PPP2R2C: variants seen among roughly 807,000 people sequenced by gnomAD.
The protein encoded by PPP2R2C is protein phosphatase 2, regulatory subunit B, gamma.
PPP2R2C carries 10 observed loss-of-function variants against 45.3 expected under a neutral mutation model. The ratio of observed to expected loss-of-function variants is 0.22; its 90% CI spans 0.14 to 0.37. PPP2R2C has a LOEUF of 0.37. Ranked by LOEUF, PPP2R2C falls within the 10% of genes least tolerant of loss-of-function variation. PPP2R2C has a pLI of 1.00. For synonymous variants in PPP2R2C, 257 were observed against 245.4 expected, an observed-to-expected ratio of 1.05 and a Z score of -0.44; for missense variants, 308 against 619.7, an observed-to-expected ratio of 0.50 and a Z score of 5.34.
intron 1 of PPP2R2C, among the ~76,000 whole-genome samples, chr4:6,436,804 C>T (rs921859043): frequency 1.3e-5 from 2 of 152,206 alleles, no homozygotes; most frequent in Admixed American, 6.5e-5. Context: ...ACTGCATCTT[C>T]ATTTAAACTT....
chr4:6,517,817 C>A (rs539700674), intron 2 of PPP2R2C, among the ~76,000 whole-genome samples: 178 of 152,254 alleles, frequency 1.2e-3, no homozygotes, highest in African/African-American at 4.1e-3. Flanking sequence ...GTTCCAATAC[C>A]AGTTCCCCTA....
intron 5 of PPP2R2C, among the ~76,000 whole-genome samples, chr4:6,359,058 C>A (rs189046630): frequency 6.6e-6 from 1 of 152,176 alleles, no homozygotes; most frequent in African/African-American, 2.4e-5. Flanking sequence ...ATGTTTATTG[C>A]GGCGCTATTC....
intron 2 of PPP2R2C, among the ~76,000 whole-genome samples, chr4:6,490,136 GA>G (rs1350543730): frequency 2.0e-5 from 3 of 152,188 alleles, no homozygotes; most frequent in African/African-American, 7.2e-5. Context: ...GCCCTTTCAA[GA>G]GGTGCCCAAA....
At chr4:6,459,283 T>C (rs1489977151) in intron 1 of PPP2R2C, among the ~76,000 whole-genome samples, 1 of 152,106 alleles carries the variant, frequency 6.6e-6, no homozygotes, top group Non-Finnish European at 1.5e-5. Flanking sequence ...GGTTCCTCTC[T>C]GCATGTGCCT....
At chr4:6,357,363 A>C (rs1171871148) in intron 5 of PPP2R2C, among the ~76,000 whole-genome samples, 1 of 152,142 alleles carries the variant, frequency 6.6e-6, no homozygotes, top group East Asian at 1.9e-4. Context: ...CAACATTCAC[A>C]GGTGTTGGCA....
chr4:6,390,471 G>A (rs2109331426), intron 1 of PPP2R2C, among the ~76,000 whole-genome samples: 1 of 152,276 alleles, frequency 6.6e-6, no homozygotes, highest in African/African-American at 2.4e-5. Context: ...TCCCTTCCCA[G>A]CCAACAAGAG....
intron 5 of PPP2R2C, chr4:6,349,893 A>C: frequency 1.0e-6 from 1 of 985,300 alleles, no homozygotes; most frequent in Non-Finnish European, 1.2e-6. Flanking sequence ...CTGTCAAAAA[A>C]AAAGCAAGCA....
chr4:6,546,925 G>T lies in PPP2R2C; in HGVS notation c.-58-11548C>A, dbSNP rs115218841. On this transcript the variant is annotated intron_variant, in intron 1 of 9. Transcript: ENST00000506140. ...ATGGAAGAGGGGAGAAAAGGAAAGA[G>T]GGGAGGAAAGAGAGACGGGAAGAAG... 2.4e-3 allele frequency among the ~76,000 whole-genome samples: 373 copies of T among 152,328 alleles called. 1 individual carries two copies. The highest frequency in any genetic ancestry group is 8.5e-3 in the African/African-American group (352 of 41,572).
intron 1 of PPP2R2C, among the ~76,000 whole-genome samples, chr4:6,406,220 C>A (rs1717785505): frequency 6.6e-6 from 1 of 152,184 alleles, no homozygotes; most frequent in Non-Finnish European, 1.5e-5. Flanking sequence ...AATTGACTCC[C>A]CTCCAAAGGG....
chr4:6,363,321 G>A (rs1232377989), intron 5 of PPP2R2C, among the ~76,000 whole-genome samples: 1 of 152,216 alleles, frequency 6.6e-6, no homozygotes, highest in Admixed American at 6.5e-5. Context: ...GCTAACGCCT[G>A]TAAACCCAGC....
intron 1 of PPP2R2C, among the ~76,000 whole-genome samples, chr4:6,550,724 C>A (rs1017050703): frequency 6.6e-6 from 1 of 152,248 alleles, no homozygotes; most frequent in African/African-American, 2.4e-5. Context: ...CAGCTCACTG[C>A]AGCCTCAAAT....
chr4:6,453,490 C>A (rs1415670256), intron 1 of PPP2R2C, among the ~76,000 whole-genome samples: 1 of 152,034 alleles, frequency 6.6e-6, no homozygotes, highest in Non-Finnish European at 1.5e-5. Context: ...CACCCCACCC[C>A]ACCCCAGGGG....
intron 6 of PPP2R2C, among the ~76,000 whole-genome samples, chr4:6,338,057 G>A (rs904868435): frequency 2.0e-5 from 3 of 151,634 alleles, no homozygotes; most frequent in African/African-American, 7.3e-5. Flanking sequence ...CACACACCCC[G>A]CTGCACCACC....
chr4:6,543,414 T>A (rs1724871549), intron 1 of PPP2R2C, among the ~76,000 whole-genome samples: 1 of 151,682 alleles, frequency 6.6e-6, no homozygotes, highest in African/African-American at 2.4e-5. Context: ...AAAATGGCAA[T>A]GGTTAAAAAA....
intron 2 of PPP2R2C, among the ~76,000 whole-genome samples, chr4:6,510,980 C>CAACAAAAA (rs1553905389): frequency 2.4e-5 from 1 of 41,348 alleles, no homozygotes; most frequent in Non-Finnish European, 9.7e-5. Context: ...CCGTCTCAAA[C>CAACAAAAA]AAAAAAAAAC....
In PPP2R2C at chr4:6,535,134, G is replaced by A. The variant is rs887728696; in HGVS notation, c.49+137C>T. ...GGTCGGGGGCCCAGGGGCCAGAGCA[G>A]GGGAGGGACCGGATCCCAGCACGGT... is the stretch of plus-strand genomic sequence containing the variant. On this transcript the variant is annotated intron_variant, in intron 2 of 9. Coordinates refer to the PPP2R2C transcript ENST00000506140. 3.1e-5 allele frequency: 32 copies of A among 1,024,326 alleles called. 1 individual carries two copies. The African/African-American group carries it at 4.5e-4, about 14-fold the overall frequency. 63.5% of individuals were successfully genotyped at this position (1,024,326 alleles called of 1,614,324 possible). A position where few individuals can be genotyped will look rare whatever the true frequency, so the allele number is the denominator to read the frequency against.
chr4:6,335,805 T>C (rs976882159), intron 6 of PPP2R2C, among the ~76,000 whole-genome samples: 1 of 152,080 alleles, frequency 6.6e-6, no homozygotes, highest in Non-Finnish European at 1.5e-5. Flanking sequence ...TTTATGTTCA[T>C]GCCTCTGGTA....
chr4:6,484,761 T>C (rs1309927687), intron 2 of PPP2R2C, among the ~76,000 whole-genome samples: 3 of 151,910 alleles, frequency 2.0e-5, no homozygotes, highest in Non-Finnish European at 4.4e-5. Context: ...TAAGCTTCTA[T>C]TCTGATTGAG....
intron 1 of PPP2R2C, among the ~76,000 whole-genome samples, chr4:6,553,157 T>C (rs1286967368): frequency 2.0e-5 from 3 of 152,154 alleles, no homozygotes; most frequent in Admixed American, 6.5e-5. Flanking sequence ...GCTGTGACCA[T>C]GGAGAGCACA....
Sources: gnomAD v4.1 joint callset for allele counts (sites outside exome capture counted in the v4.1 genomes callset) on GRCh38, gnomAD v4.1.1 for gene constraint, MANE v1.5 for transcripts, NCBI Gene and HGNC (gene_info 2026-07-23, HGNC 2026-07-21) for gene names.